The following RRAS2 variants were observed in gnomAD, a reference collection of about 807,000 sequenced individuals.
RRAS2 encodes the protein RAS related 2.
Under a neutral mutation model 27.6 loss-of-function variants are expected in RRAS2, and 7 were observed. The ratio of observed to expected loss-of-function variants is 0.25; its 90% confidence interval spans 0.14 to 0.48. The LOEUF is 0.48. Among genes scored for constraint, RRAS2 ranks in the 20% least tolerant of loss-of-function variants. The pLI is 0.99. For synonymous variants in RRAS2, 86 were observed against 90.9 expected (o/e 0.95, Z 0.31); for missense variants, 178 against 256.2 (o/e 0.69, Z 2.08).
At chr11:14,290,831 A>G (rs782787633) in intron 4 of RRAS2, among the ~76,000 whole-genome samples, 3 of 152,206 alleles carry the variant, frequency 2.0e-5, no homozygotes, top group Non-Finnish European at 4.4e-5. Flanking sequence ...GCTATTAAAG[A>G]GGGGCAGAAA....
At chr11:14,319,867 C>T (rs1848189049) in intron 1 of RRAS2, among the ~76,000 whole-genome samples, 1 of 152,068 alleles carries the variant, frequency 6.6e-6, no homozygotes, top group South Asian at 2.1e-4. Flanking sequence ...ATCAAAACAA[C>T]AAAAATAAGA....
intron 5 of RRAS2, among the ~76,000 whole-genome samples, chr11:14,280,550 AC>A (rs1191607805): frequency 6.6e-6 from 1 of 151,816 alleles, no homozygotes; most frequent in East Asian, 1.9e-4. Context: ...ATATGGTGAA[AC>A]CCCATCTCTA....
At chr11:14,340,648 G>GT (rs1427339066) in intron 1 of RRAS2, among the ~76,000 whole-genome samples, 2 of 152,066 alleles carry the variant, frequency 1.3e-5, no homozygotes, top group Non-Finnish European at 2.9e-5. Context: ...AATCAATACC[G>GT]TAAGAGTTAG....
Position 14,292,457 on chromosome 11 carries a change from T to C in RRAS2, c.408+2014A>G, listed in dbSNP as rs533030075. Among the ~76,000 whole-genome samples the C allele has an allele frequency of 2.3e-4, 35 of 152,244 alleles. No individual in the cohort carries two copies. In the South Asian group the frequency reaches 7.3e-3, roughly 32 times the overall value. ...CAATGCACATCTACTTTGCCATTATTTCCCAGATGCAATGACATATAGAGT... is the reference window on the plus strand; with the variant it reads ...CAATGCACATCTACTTTGCCATTATCTCCCAGATGCAATGACATATAGAGT... On this transcript the variant is annotated intron_variant, in intron 4 of 5. Coordinates refer to ENST00000256196, the MANE Select transcript of RRAS2 (RefSeq NM_012250.6).
At chr11:14,339,152 T>C (rs1349843920) in intron 1 of RRAS2, among the ~76,000 whole-genome samples, 2 of 151,816 alleles carry the variant, frequency 1.3e-5, no homozygotes, top group Non-Finnish European at 2.9e-5. Context: ...TTTAAAAATA[T>C]CAGCTGGCCC....
chr11:14,292,463 G>A (rs1591447497), intron 4 of RRAS2, among the ~76,000 whole-genome samples: 1 of 152,048 alleles, frequency 6.6e-6, no homozygotes, highest in Admixed American at 6.5e-5. Context: ...TTATTTCCCA[G>A]ATGCAATGAC....
At chr11:14,343,556 G>A (rs1299727716) in intron 1 of RRAS2, among the ~76,000 whole-genome samples, 1 of 152,206 alleles carries the variant, frequency 6.6e-6, no homozygotes, top group Non-Finnish European at 1.5e-5. Flanking sequence ...AGGCGTGGTG[G>A]CTCACGCCTG....
intron 1 of RRAS2, among the ~76,000 whole-genome samples, chr11:14,319,911 CAT>C (rs1848189910): frequency 6.6e-6 from 1 of 152,120 alleles, no homozygotes; most frequent in Non-Finnish European, 1.5e-5. Context: ...ACTCGAAAAA[CAT>C]ATACGTTATA....
At chr11:14,304,405 G>C (rs1397595322) in intron 1 of RRAS2, among the ~76,000 whole-genome samples, 1 of 152,108 alleles carries the variant, frequency 6.6e-6, no homozygotes, top group African/African-American at 2.4e-5. Flanking sequence ...GGTAGGTATG[G>C]GCTACATGTG....
Position 14,352,752 on chromosome 11 carries a change from TATATAG to T in RRAS2, c.108+6005_108+6010del, listed in dbSNP as rs1392816491. ...GAAAAAGAAACTTTTAAAATATATA[TATATAG>T]AGAGAGAGAGAGAGAGAGAGAGGGA... On this transcript the variant is annotated intron_variant, in intron 1 of 5. Coordinates refer to ENST00000256196, the MANE Select transcript of RRAS2 (RefSeq NM_012250.6). 2.1e-3 allele frequency among the ~76,000 whole-genome samples: 269 copies of T among 127,190 alleles called. 2 individuals carry two copies. The highest frequency in any genetic ancestry group is 6.3e-3 in the African/African-American group (215 of 33,902). The allele number at this position is 127,190 out of a possible 152,430, so 83.4% of individuals were successfully genotyped here.
rs72866408 is a variant in RRAS2 at position 14,344,489 on chromosome 11, G to C, written c.108+14274C>G. Among the ~76,000 whole-genome samples the C allele has an allele frequency of 3.7e-3, 564 of 152,228 alleles. 2 individuals are homozygous for C. The highest frequency in any genetic ancestry group is 5.2e-3 in the Non-Finnish European group (354 of 68,016). The stretch of plus-strand genomic sequence containing the variant: ...AAAGGACAAAATTACAAATTTAATA[G>C]CCACATATCTTTTCCATGTGATTTC... On this transcript the variant is annotated intron_variant, in intron 1 of 5. Transcript: ENST00000256196.
chr11:14,304,218 T>C (rs541465304), intron 1 of RRAS2, among the ~76,000 whole-genome samples: 8 of 152,304 alleles, frequency 5.3e-5, no homozygotes, highest in African/African-American at 1.2e-4. Flanking sequence ...AATGACTCCA[T>C]TGGAGCCTCC....
At chr11:14,320,190 C>G (rs1848194972) in intron 1 of RRAS2, among the ~76,000 whole-genome samples, 1 of 151,894 alleles carries the variant, frequency 6.6e-6, no homozygotes, top group African/African-American at 2.4e-5. Flanking sequence ...CTGCAAAGTT[C>G]TAATGCACGG....
intron 4 of RRAS2, among the ~76,000 whole-genome samples, chr11:14,287,022 C>CT: frequency 6.6e-6 from 1 of 152,296 alleles, no homozygotes; most frequent in Admixed American, 6.5e-5. Flanking sequence ...GTCATCCCTT[C>CT]TCTCTCAACT....
chr11:14,326,346 C>T (rs781812086), intron 1 of RRAS2, among the ~76,000 whole-genome samples: 1 of 152,080 alleles, frequency 6.6e-6, no homozygotes, highest in Non-Finnish European at 1.5e-5. Context: ...AATTTCTATG[C>T]CAGGAAGTAT....
intron 1 of RRAS2, among the ~76,000 whole-genome samples, chr11:14,351,272 T>A (rs901641568): frequency 1.3e-5 from 2 of 152,160 alleles, no homozygotes; most frequent in Admixed American, 1.3e-4. Flanking sequence ...TGTTCCAAAG[T>A]AAGACATGGA....
At chr11:14,340,376 C>T (rs1848678075) in intron 1 of RRAS2, among the ~76,000 whole-genome samples, 1 of 151,938 alleles carries the variant, frequency 6.6e-6, no homozygotes. Context: ...GCTGGAATTA[C>T]AGGAGTGAGC....
At chr11:14,320,373 G>C (rs1848197980) in intron 1 of RRAS2, among the ~76,000 whole-genome samples, 1 of 152,152 alleles carries the variant, frequency 6.6e-6, no homozygotes, top group African/African-American at 2.4e-5. Flanking sequence ...TGCTTGTCTA[G>C]AGTCATGTGC....
At chr11:14,333,435 T>C (rs1431178516) in intron 1 of RRAS2, among the ~76,000 whole-genome samples, 1 of 152,154 alleles carries the variant, frequency 6.6e-6, no homozygotes, top group Non-Finnish European at 1.5e-5. Flanking sequence ...TCCTTTTCCT[T>C]ATAAACATAT....
Sources: allele counts gnomAD v4.1 joint callset (sites outside exome capture counted in the v4.1 genomes callset), GRCh38; gene constraint gnomAD v4.1.1; transcripts MANE v1.5; gene names NCBI Gene and HGNC (gene_info 2026-07-23, HGNC 2026-07-21).